Variants in NLRX1 observed in about 807,000 individuals in gnomAD.
NLRX1 encodes the protein NLR family member X1.
Under a neutral mutation model 74.2 loss-of-function variants are expected in NLRX1, and 67 were observed. The ratio of observed to expected loss-of-function variants is 0.90; its 90% CI spans 0.74 to 1.11. The LOEUF is 1.11. Ranked by LOEUF, NLRX1 falls within the 50% of genes least tolerant of loss-of-function variation. The pLI is 0.00. For synonymous variants in NLRX1, 506 were observed against 559.1 expected (o/e 0.91, Z 1.34); for missense variants, 1,191 against 1,305.4 (o/e 0.91, Z 1.35).
In NLRX1 at chr11:119,174,511, TGGGCCGCTA is replaced by T; in HGVS notation, c.909_917del (p.Arg305_Gly307del). ...ATTGGCCGTATCCCCAGCAAGTACGTGGGCCGCTATGGTGAGATCTGCGGTTTCTCTGAT... is the reference window on the plus strand; with the variant it reads ...ATTGGCCGTATCCCCAGCAAGTACGTTGGTGAGATCTGCGGTTTCTCTGAT... On this transcript the variant is annotated inframe_deletion, in exon 6 of 10. Coordinates refer to ENST00000409109, the MANE Select transcript of NLRX1 (RefSeq NM_001282144.2). 6.2e-7 allele frequency: 1 copy of T among 1,614,212 alleles called. No individual in the cohort carries two copies. The highest frequency in any genetic ancestry group is 8.5e-7 in the Non-Finnish European group (1 of 1,180,044).
intron 3 of NLRX1, 80 bp from the exon 4 acceptor site, chr11:119,172,821 C>A: frequency 9.9e-7 from 1 of 1,011,816 alleles, no homozygotes; most frequent in Non-Finnish European, 1.6e-6. Flanking sequence ...TCTAGCAGTG[C>A]AGATAGGCTT....
chr11:119,179,669 G>A lies in NLRX1; in HGVS notation c.1672-24G>A, dbSNP rs963559588. 3.2e-6 allele frequency: 5 copies of A among 1,571,966 alleles called. No individual in the cohort carries two copies. In the African/African-American group the frequency reaches 6.8e-5, roughly 21 times the overall value. On this transcript the variant is annotated intron_variant, in intron 6 of 9. Coordinates refer to ENST00000409109, the MANE Select transcript of NLRX1 (RefSeq NM_001282144.2). Reference sequence around the variant, plus strand: ...GAACAGGCACATGGAAGGCCACAGTGACTCTCCCCTGCTTCTTTTTCAGGT... The same window carrying A: ...GAACAGGCACATGGAAGGCCACAGTAACTCTCCCCTGCTTCTTTTTCAGGT...
intron 6 of NLRX1, 110 bp from the exon 7 acceptor site, chr11:119,179,583 A>C (rs1462387600): frequency 3.3e-6 from 3 of 903,128 alleles, no homozygotes. Flanking sequence ...GCTAAGTTCA[A>C]GGGGAGATCA....
At chr11:119,172,859 C>G (rs780672392) in intron 3 of NLRX1, 42 bp from the exon 4 acceptor site, 1 of 1,467,026 alleles carries the variant, frequency 6.8e-7, no homozygotes, top group Non-Finnish European at 9.6e-7. Flanking sequence ...AGGGGCTGAT[C>G]CAAGTTACAA....
chr11:119,172,335 A>G (rs1274768567), intron 2 of NLRX1, 21 bp from the exon 3 acceptor site: 4 of 1,597,960 alleles, frequency 2.5e-6, no homozygotes, highest in Admixed American at 1.7e-5. Context: ...TGCAGATGCT[A>G]TTTCTTCCTT....
chr11:119,176,548 G>A (rs1269270037), intron 6 of NLRX1, among the ~76,000 whole-genome samples: 3 of 152,098 alleles, frequency 2.0e-5, no homozygotes, highest in Non-Finnish European at 4.4e-5. Context: ...TTAACCAAGT[G>A]TGGTGCCGGG....
chr11:119,178,960 C>T lies in NLRX1; in HGVS notation c.1672-733C>T, dbSNP rs183787256. On this transcript the variant is annotated intron_variant, in intron 6 of 9. Coordinates refer to ENST00000409109, the MANE Select transcript of NLRX1 (RefSeq NM_001282144.2). Reference sequence around the variant, plus strand: ...TCGGCCTCCCTAAGTGCTGGGATTACGGGCATGAGCCACTGCACCTGGCCT... The same window carrying T: ...TCGGCCTCCCTAAGTGCTGGGATTATGGGCATGAGCCACTGCACCTGGCCT... 3.7e-3 allele frequency among the ~76,000 whole-genome samples: 556 copies of T among 152,256 alleles called. 4 individuals are homozygous for T. The highest frequency in any genetic ancestry group is 0.012 in the African/African-American group (519 of 41,558).
At chr11:119,181,376 G>T (rs2135192516) in intron 8 of NLRX1, 119 bp downstream of exon 8, 1 of 736,032 alleles carries the variant, frequency 1.4e-6, no homozygotes, top group Middle Eastern at 3.4e-4. Context: ...GAGAGTCTAG[G>T]CCCTGACCTG....
At chr11:119,175,338 C>T (rs1416220285) in intron 6 of NLRX1, 64 bp downstream of exon 6, 2 of 1,409,342 alleles carry the variant, frequency 1.4e-6, no homozygotes, top group East Asian at 2.3e-5. Context: ...CCAAGCCGCC[C>T]ACGCCCCCAC....
intron 6 of NLRX1, among the ~76,000 whole-genome samples, chr11:119,176,336 C>T (rs909767333): frequency 2.0e-5 from 3 of 152,180 alleles, no homozygotes; most frequent in Non-Finnish European, 4.4e-5. Context: ...CAGCTTCGAC[C>T]TTCTGGGCTC....
rs74501187 is a variant in NLRX1, at chr11:119,175,532, G to A, written c.1671+258G>A. 2.2e-3 allele frequency among the ~76,000 whole-genome samples: 332 copies of A among 152,284 alleles called. 2 individuals are homozygous for A. Among genetic ancestry groups the A allele is most frequent in the African/African-American group, 7.3e-3 (304 of 41,562 alleles). ...CTGGGGAAGGGAACCTGGGGACGTG[G>A]GGACTTTAATAATAATGCTACATGG... On this transcript the variant is annotated intron_variant, in intron 6 of 9. Transcript: ENST00000409109.
At chr11:119,176,528 G>C (rs1356880198) in intron 6 of NLRX1, among the ~76,000 whole-genome samples, 1 of 151,984 alleles carries the variant, frequency 6.6e-6, no homozygotes, top group Non-Finnish European at 1.5e-5. Context: ...GACCAACCTG[G>C]CCAACATGGT....
intron 6 of NLRX1, among the ~76,000 whole-genome samples, chr11:119,176,319 C>T (rs1336213788): frequency 1.3e-5 from 2 of 152,140 alleles, no homozygotes; most frequent in Non-Finnish European, 2.9e-5. Context: ...GCAATCATAG[C>T]TCACTGCAGC....
At position 119,183,143 on chromosome 11, in the gene NLRX1, G is replaced by T; in HGVS notation, c.2632G>T (p.Glu878Ter). 6.2e-7 allele frequency: 1 copy of T among 1,614,120 alleles called. No individual in the cohort carries two copies. The highest frequency in any genetic ancestry group is 8.5e-7 in the Non-Finnish European group (1 of 1,180,020). ...LHLYFNELSS[E>*]GRQVLRDLGG... is the part of the protein sequence containing the mutation. ...CCTCTACTTCAATGAGCTGAGCTCA[G>T]AGGGCCGCCAGGTCTTGCGAGACTT... The change falls in exon 10 of 10, where the codon GAG becomes TAG. Residue 878 changes from glutamate to a stop codon, truncating the protein, a stop_gained. Transcript: ENST00000409109. LOFTEE classifies it high-confidence loss of function. This position sits in a 1 kb window ranked among gnomAD's most constrained non-coding sequence, Gnocchi z 5.7.
Position 119,171,338 on chromosome 11 carries a change from G to GT in NLRX1, c.-48-17dup. On this transcript the variant is annotated splice_polypyrimidine_tract_variant and intron_variant, in intron 1 of 9. Transcript: ENST00000409109. ...GAGGAGTGGTGGCAGTGATCCATTC[G>GT]TACTATTCTTCTTGCAGGACAGAAG... 2 of 1,578,026 alleles carry GT rather than the reference G, an allele frequency of 1.3e-6. No homozygotes were observed. Among genetic ancestry groups the GT allele is most frequent in the Non-Finnish European group, 1.7e-6 (2 of 1,153,426 alleles).
At chr11:119,176,177 C>T (rs111332994) in intron 6 of NLRX1, among the ~76,000 whole-genome samples, 32 of 152,256 alleles carry the variant, frequency 2.1e-4, no homozygotes, top group Admixed American at 5.9e-4. Flanking sequence ...GTTTCAGCAA[C>T]GCATTTTGAG....
In NLRX1 at chr11:119,174,760, C is replaced by T; in HGVS notation, c.1157C>T (p.Ala386Val). The T allele has an allele frequency of 1.2e-6, 2 of 1,613,818 alleles. No individual in the cohort carries two copies. Among genetic ancestry groups the T allele is most frequent in the Middle Eastern group, 1.6e-4 (1 of 6,062 alleles). The change falls in exon 6 of 10, where the codon GCC becomes GTC. Residue 386 changes from alanine to valine, a missense_variant. By Grantham distance (64) the Ala-to-Val change is moderately conservative. Transcript: ENST00000409109. Reference sequence around the variant, plus strand: ...TGTGCCACCTTGCACTTCCTGCATGCCCCCACGCCTGCTGGGCAGACCCTT... The same window carrying T: ...TGTGCCACCTTGCACTTCCTGCATGTCCCCACGCCTGCTGGGCAGACCCTT... The part of the protein sequence containing the change: ...LVCATLHFLH[A>V]PTPAGQTLTS...
chr11:119,169,505 G>A (rs1462767008), intron 1 of NLRX1, among the ~76,000 whole-genome samples: 2 of 152,216 alleles, frequency 1.3e-5, no homozygotes, highest in Admixed American at 6.5e-5. Context: ...CACCCAGCCA[G>A]CTCCTCCGCT....
intron 8 of NLRX1, 76 bp downstream of exon 8, chr11:119,181,333 G>T (rs1948832428): frequency 8.9e-7 from 1 of 1,126,756 alleles, no homozygotes; most frequent in Non-Finnish European, 1.3e-6. Context: ...TGACATACTT[G>T]GCACAGACCC....
Sources: allele counts gnomAD v4.1 joint callset (sites outside exome capture counted in the v4.1 genomes callset), GRCh38; gene constraint gnomAD v4.1.1; non-coding constraint Gnocchi (gnomAD v3.1); transcripts MANE v1.5; gene names NCBI Gene and HGNC (gene_info 2026-07-23, HGNC 2026-07-21).